The following DCUN1D2 variants were observed in gnomAD, a reference collection of about 807,000 sequenced individuals.
The protein encoded by DCUN1D2 is DCN1-like protein 2.
A neutral mutation model predicts 30.9 loss-of-function variants in DCUN1D2; 29 were observed. The observed-to-expected ratio is 0.94, with a 90% CI of 0.70 to 1.28. The LOEUF (loss-of-function observed/expected upper bound fraction) is 1.28. DCUN1D2 is among the 50% of genes most tolerant of loss of function. DCUN1D2 has a pLI of 0.00. For missense variants in DCUN1D2, 325 were observed against 316.9 expected, an observed-to-expected ratio of 1.03 and a Z score of -0.19; for synonymous variants, 121 against 115.3, an observed-to-expected ratio of 1.05 and a Z score of -0.32.
At position 113,488,699 on chromosome 13, in the gene DCUN1D2, G is replaced by A. The variant is rs2139754719; in HGVS notation, c.3+1968C>T. Among the ~76,000 whole-genome samples the A allele has an allele frequency of 6.6e-6, 1 of 152,320 alleles. No homozygotes were observed. Among genetic ancestry groups the A allele is most frequent in the Non-Finnish European group, 1.5e-5 (1 of 68,032 alleles). On this transcript the variant is annotated intron_variant, in intron 1 of 6. Coordinates refer to ENST00000478244, the MANE Select transcript of DCUN1D2 (RefSeq NM_001014283.2). This position sits in a 1 kb window ranked among gnomAD's most constrained non-coding sequence, Gnocchi z 4.3. The stretch of plus-strand genomic sequence containing the variant: ...ACAAAGGCCCAGACGTTGGCAAGAA[G>A]CTTCGAGTGCACCCAGACAGGACTG...
intron 1 of DCUN1D2, among the ~76,000 whole-genome samples, chr13:113,486,675 G>GA (rs1217093482): frequency 6.6e-6 from 1 of 152,138 alleles, no homozygotes; most frequent in Non-Finnish European, 1.5e-5. Flanking sequence ...CGCCCTCCAG[G>GA]AAAACATATA....
At chr13:113,484,929 T>A (rs2044774873) in intron 1 of DCUN1D2, among the ~76,000 whole-genome samples, 1 of 151,912 alleles carries the variant, frequency 6.6e-6, no homozygotes, top group African/African-American at 2.4e-5. Flanking sequence ...AATACAAAAA[T>A]TAGCTGGGTG....
intron 4 of DCUN1D2, among the ~76,000 whole-genome samples, chr13:113,470,336 G>A (rs1025678415): frequency 3.3e-5 from 5 of 152,182 alleles, no homozygotes; most frequent in African/African-American, 9.7e-5. Flanking sequence ...ACAAGGATGA[G>A]ACTGCCTAAC....
At chr13:113,487,085 G>A (rs1439045905) in intron 1 of DCUN1D2, among the ~76,000 whole-genome samples, 1 of 152,198 alleles carries the variant, frequency 6.6e-6, no homozygotes, top group East Asian at 1.9e-4. Context: ...GTATTCTCTG[G>A]TAAGATCAAA....
At chr13:113,469,487 C>T (rs2044466521) in intron 4 of DCUN1D2, among the ~76,000 whole-genome samples, 1 of 151,822 alleles carries the variant, frequency 6.6e-6, no homozygotes, top group African/African-American at 2.4e-5. Context: ...TGAGACCAGC[C>T]CGGGCAACAC....
intron 4 of DCUN1D2, among the ~76,000 whole-genome samples, chr13:113,461,666 C>T (rs778397669): frequency 4.6e-5 from 7 of 152,220 alleles, no homozygotes; most frequent in Non-Finnish European, 1.0e-4. Flanking sequence ...CAAGTCAAAT[C>T]GGCAGCTAGC....
chr13:113,491,466 T>C (rs537458317), upstream of DCUN1D2, among the ~76,000 whole-genome samples: 66 of 132,624 alleles, frequency 5.0e-4, no homozygotes, highest in African/African-American at 1.8e-3. Flanking sequence ...CATTCCCTTC[T>C]TCCCTTCCCA....
At chr13:113,461,678 G>A (rs2044320198) in intron 4 of DCUN1D2, among the ~76,000 whole-genome samples, 1 of 151,792 alleles carries the variant, frequency 6.6e-6, no homozygotes, top group Non-Finnish European at 1.5e-5. Context: ...GCAGCTAGCA[G>A]GGAAAGCGTT....
chr13:113,490,892 G>A, upstream of DCUN1D2: 1 of 262,338 alleles, frequency 3.8e-6, no homozygotes, highest in Non-Finnish European at 6.8e-6. This position sits in a 1 kb window ranked among gnomAD's most constrained non-coding sequence, Gnocchi z 5.2. Flanking sequence ...GCCTTGGCTC[G>A]CCCCTGCGGG....
intron 4 of DCUN1D2, among the ~76,000 whole-genome samples, chr13:113,464,102 T>C (rs755090479): frequency 3.2e-4 from 49 of 152,252 alleles, no homozygotes; most frequent in Admixed American, 2.0e-3. Flanking sequence ...CTATTTGAAG[T>C]GTTTACAAAA....
chr13:113,489,256 G>A (rs1386745002), intron 1 of DCUN1D2: 1 of 589,430 alleles, frequency 1.7e-6, no homozygotes, highest in East Asian at 1.4e-4. Flanking sequence ...CCAGCATCCT[G>A]AACATGTTCA....
chr13:113,490,944 G>C (rs2044976864), upstream of DCUN1D2: 1 of 209,020 alleles, frequency 4.8e-6, no homozygotes, highest in Non-Finnish European at 9.4e-6. The surrounding 1 kb of genome is among the most constrained non-coding windows in gnomAD (Gnocchi z 5.2). Context: ...ACGCCGGCCA[G>C]GAAGTGCTCG....
At chr13:113,469,854 CTT>C (rs918085932) in intron 4 of DCUN1D2, among the ~76,000 whole-genome samples, 1 of 148,208 alleles carries the variant, frequency 6.7e-6, no homozygotes, top group Non-Finnish European at 1.5e-5. Context: ...AAATCAAAAA[CTT>C]TTTTTTTTTA....
chr13:113,474,018 C>CA (rs1159502522), intron 4 of DCUN1D2, 106 bp downstream of exon 4: 19 of 1,461,698 alleles, frequency 1.3e-5, no homozygotes, highest in Non-Finnish European at 1.6e-5. Flanking sequence ...AAAACCAAAC[C>CA]AAAACCCAAA....
rs191815564 is a variant in DCUN1D2, at chr13:113,485,986, G to A, written c.4-1930C>T. ...ATTAAGATATTTGCAAAAATGTAAT[G>A]GGTTTTTATTGCTAATTAACTATAG... On this transcript the variant is annotated intron_variant, in intron 1 of 6. Coordinates refer to ENST00000478244, the MANE Select transcript of DCUN1D2 (RefSeq NM_001014283.2). Among the ~76,000 whole-genome samples, 130 of 152,128 alleles carry A rather than the reference G, an allele frequency of 8.5e-4. 1 individual carries two copies. Among genetic ancestry groups the A allele is most frequent in the South Asian group, 3.5e-3 (17 of 4,812 alleles).
At chr13:113,477,678 CCT>C (rs1184176967) in intron 3 of DCUN1D2, among the ~76,000 whole-genome samples, 3 of 151,412 alleles carry the variant, frequency 2.0e-5, no homozygotes, top group Non-Finnish European at 4.4e-5. Flanking sequence ...AAGAACTGCC[CCT>C]CTTATTCTTA....
At chr13:113,483,786 CAGGCCGCTCGCGG>C (rs2044751349) in intron 2 of DCUN1D2, 41 bp downstream of exon 2, 1 of 1,565,640 alleles carries the variant, frequency 6.4e-7, no homozygotes, top group South Asian at 1.1e-5. Context: ...GTGCAGCGCG[CAGGCCGCTCGCGG>C]AGGCCGACAT....
At chr13:113,483,759 G>C (rs1267671831) in intron 2 of DCUN1D2, 81 bp downstream of exon 2, 4 of 1,411,078 alleles carry the variant, frequency 2.8e-6, no homozygotes, top group African/African-American at 2.8e-5. Context: ...ACCTGCCCCG[G>C]CACCAGAACC....
intron 4 of DCUN1D2, among the ~76,000 whole-genome samples, chr13:113,462,326 G>T (rs964403353): frequency 3.3e-5 from 5 of 151,758 alleles, no homozygotes; most frequent in Non-Finnish European, 7.4e-5. Context: ...CTTTAATCAT[G>T]TTGAATAGTG....
Sources: allele counts gnomAD v4.1 joint callset (sites outside exome capture counted in the v4.1 genomes callset), GRCh38; gene constraint gnomAD v4.1.1; non-coding constraint Gnocchi (gnomAD v3.1); transcripts MANE v1.5; gene names NCBI Gene and HGNC (gene_info 2026-07-23, HGNC 2026-07-21).